FHIT: variants seen among roughly 807,000 people sequenced by gnomAD.
FHIT encodes the protein bis(5'-adenosyl)-triphosphatase.
In FHIT, 19 loss-of-function variants were observed where a neutral mutation model predicts 17.9. The ratio of observed to expected loss-of-function variants is 1.06; its 90% CI spans 0.74 to 1.56. The LOEUF (loss-of-function observed/expected upper bound fraction) is 1.56, where lower values mean the gene tolerates loss of function less well. Among genes scored for constraint, FHIT ranks in the 40% most tolerant of loss-of-function variants. The probability of loss-of-function intolerance (pLI) is 0.00; values close to 1 mark genes in which losing one functional copy is unlikely to be tolerated. For missense variants in FHIT, 248 were observed against 189.2 expected (o/e 1.31, Z -1.82); for synonymous variants, 81 against 69.7 (o/e 1.16, Z -0.81).
rs142252632 is a variant in FHIT at position 60,209,977 on chromosome 3, T to C, written c.104-195825A>G. Reference sequence around the variant, plus strand: ...GGAGGGAACCTAGAGGATGGGTCAATAGGTGCAGCAAACCACCATGGCACA... The same window carrying C: ...GGAGGGAACCTAGAGGATGGGTCAACAGGTGCAGCAAACCACCATGGCACA... On this transcript the variant is annotated intron_variant, in intron 5 of 9. Coordinates refer to ENST00000492590, the MANE Select transcript of FHIT (RefSeq NM_002012.4). Among the ~76,000 whole-genome samples, 1,171 of 152,090 alleles carry C rather than the reference T, an allele frequency of 7.7e-3. 7 individuals carry two copies. The highest frequency in any genetic ancestry group is 0.034 in the Middle Eastern group (10 of 294).
intron 8 of FHIT, among the ~76,000 whole-genome samples, chr3:59,821,758 A>T (rs547462529): frequency 0.069 from 10,223 of 149,160 alleles, 397 homozygotes; most frequent in South Asian, 0.14. Context: ...TTTTTTTTAA[A>T]AAAAATATAT....
intron 2 of FHIT, among the ~76,000 whole-genome samples, chr3:61,152,091 T>A (rs544176069): frequency 1.4e-4 from 21 of 152,320 alleles, no homozygotes; most frequent in Admixed American, 1.2e-3. Flanking sequence ...GTAATTTCTA[T>A]AAAGTTCAAA....
At chr3:60,943,245 C>T (rs1708494999) in intron 3 of FHIT, among the ~76,000 whole-genome samples, 1 of 152,042 alleles carries the variant, frequency 6.6e-6, no homozygotes, top group Non-Finnish European at 1.5e-5. Flanking sequence ...TTCAATACTT[C>T]TTGGTGACTG....
At chr3:59,762,006 C>A (rs1285792216) in intron 8 of FHIT, among the ~76,000 whole-genome samples, 2 of 152,172 alleles carry the variant, frequency 1.3e-5, no homozygotes, top group Non-Finnish European at 2.9e-5. Flanking sequence ...GCCAGCATCA[C>A]TACTCTTATG....
At position 60,451,420 on chromosome 3, in the gene FHIT, T is replaced by C. The variant is rs143937561; in HGVS notation, c.103+85440A>G. 2.6e-4 allele frequency among the ~76,000 whole-genome samples: 40 copies of C among 152,204 alleles called. 1 individual carries two copies. The Middle Eastern group carries it at 0.01, about 39-fold the overall frequency. On this transcript the variant is annotated intron_variant, in intron 5 of 9. Coordinates refer to ENST00000492590, the MANE Select transcript of FHIT (RefSeq NM_002012.4). Reference sequence around the variant, plus strand: ...CACTTCAATAACCCGAATAAACTCATCTCCTTAATGGACTGGTACATCTTG... The same window carrying C: ...CACTTCAATAACCCGAATAAACTCACCTCCTTAATGGACTGGTACATCTTG...
intron 7 of FHIT, among the ~76,000 whole-genome samples, chr3:59,993,401 A>G (rs1366364774): frequency 6.6e-6 from 1 of 152,076 alleles, no homozygotes; most frequent in African/African-American, 2.4e-5. Context: ...AAACAGTGGT[A>G]TGGGTACTCT....
intron 2 of FHIT, among the ~76,000 whole-genome samples, chr3:61,179,330 A>C (rs2038258279): frequency 6.6e-6 from 1 of 152,054 alleles, no homozygotes; most frequent in Non-Finnish European, 1.5e-5. Context: ...TTTCTTAAAC[A>C]CAAAAAGATC....
chr3:60,701,619 C>T (rs1170046092), intron 4 of FHIT, among the ~76,000 whole-genome samples: 2 of 152,070 alleles, frequency 1.3e-5, no homozygotes, highest in African/African-American at 4.8e-5. Context: ...GCCAGCTGAT[C>T]TATGGAGTGT....
intron 5 of FHIT, among the ~76,000 whole-genome samples, chr3:60,164,782 T>C (rs1414167142): frequency 6.6e-6 from 1 of 152,122 alleles, no homozygotes; most frequent in Non-Finnish European, 1.5e-5. Flanking sequence ...TAGTTCAATC[T>C]AAAGCTAAGA....
intron 5 of FHIT, among the ~76,000 whole-genome samples, chr3:60,308,573 T>TCC (rs199527303): frequency 7.4e-5 from 11 of 148,994 alleles, no homozygotes; most frequent in Non-Finnish European, 8.9e-5. Context: ...TTACATTGGG[T>TCC]CCCCCCCCAA....
At chr3:60,028,768 T>C (rs914775670) in intron 5 of FHIT, among the ~76,000 whole-genome samples, 2 of 152,206 alleles carry the variant, frequency 1.3e-5, no homozygotes, top group Non-Finnish European at 2.9e-5. Flanking sequence ...CCAAGGAATT[T>C]AGTAAAGACA....
At chr3:60,594,507 G>A (rs782044321) in intron 4 of FHIT, among the ~76,000 whole-genome samples, 3 of 152,076 alleles carry the variant, frequency 2.0e-5, no homozygotes, top group Non-Finnish European at 2.9e-5. Flanking sequence ...ACCAACCAGT[G>A]AAAGCTGACT....
chr3:59,985,182 G>A (rs771729736), intron 7 of FHIT, among the ~76,000 whole-genome samples: 3 of 152,126 alleles, frequency 2.0e-5, no homozygotes, highest in Non-Finnish European at 4.4e-5. Context: ...AAGGACTAAA[G>A]TTAATTTGCC....
At chr3:60,754,637 A>G (rs547813772) in intron 4 of FHIT, among the ~76,000 whole-genome samples, 7 of 152,298 alleles carry the variant, frequency 4.6e-5, no homozygotes, top group Admixed American at 4.6e-4. Context: ...GTCTCAAAAA[A>G]AAAAAAGTAC....
intron 3 of FHIT, among the ~76,000 whole-genome samples, chr3:61,028,177 C>T (rs1207827618): frequency 2.6e-5 from 4 of 152,138 alleles, no homozygotes; most frequent in East Asian, 3.8e-4. Flanking sequence ...ATGAAGTAGG[C>T]TCATAGCTTC....
chr3:60,229,799 G>T (rs1238749258), intron 5 of FHIT, among the ~76,000 whole-genome samples: 1 of 152,152 alleles, frequency 6.6e-6, no homozygotes, highest in Non-Finnish European at 1.5e-5. Flanking sequence ...GGGAAATAAA[G>T]CAAGTCCATA....
intron 5 of FHIT, among the ~76,000 whole-genome samples, chr3:60,161,693 A>C (rs1700947982): frequency 6.6e-6 from 1 of 152,040 alleles, no homozygotes; most frequent in African/African-American, 2.4e-5. Context: ...GGAAAAAAAA[A>C]CCCAGAACCA....
intron 8 of FHIT, among the ~76,000 whole-genome samples, chr3:59,780,364 T>C (rs185018353): frequency 3.3e-5 from 5 of 152,356 alleles, no homozygotes; most frequent in African/African-American, 2.4e-5. Flanking sequence ...TGGATTACAG[T>C]GAACAGTCCA....
chr3:59,779,926 C>T (rs1338334879), intron 8 of FHIT, among the ~76,000 whole-genome samples: 1 of 152,202 alleles, frequency 6.6e-6, no homozygotes, highest in African/African-American at 2.4e-5. Context: ...ACACAGGTAA[C>T]ATCCATCTCT....
Sources: gnomAD v4.1 joint callset for allele counts (sites outside exome capture counted in the v4.1 genomes callset) on GRCh38, gnomAD v4.1.1 for gene constraint, MANE v1.5 for transcripts, NCBI Gene and HGNC (gene_info 2026-07-23, HGNC 2026-07-21) for gene names.